The following PPM1H variants were observed in gnomAD, a reference collection of about 807,000 sequenced individuals.
PPM1H encodes the protein protein phosphatase, Mg2+/Mn2+ dependent 1H.
PPM1H carries 27 observed loss-of-function variants against 54.9 expected under a neutral mutation model. The observed-to-expected ratio is 0.49, with a 90% confidence interval of 0.36 to 0.68. PPM1H has a LOEUF of 0.68. Ranked by LOEUF, PPM1H falls within the 30% of genes least tolerant of loss-of-function variation. The pLI is 0.00. For synonymous variants in PPM1H, 305 were observed against 270.8 expected (o/e 1.13, Z -1.24); for missense variants, 596 against 667.8 (o/e 0.89, Z 1.19).
intron 1 of PPM1H, among the ~76,000 whole-genome samples, chr12:62,918,097 G>A (rs1871680146): frequency 6.6e-6 from 1 of 152,156 alleles, no homozygotes; most frequent in Non-Finnish European, 1.5e-5. Flanking sequence ...TGTACAGCTG[G>A]GAAGGGCTAA....
At chr12:62,817,299 A>G (rs1432313209) in intron 2 of PPM1H, among the ~76,000 whole-genome samples, 3 of 151,556 alleles carry the variant, frequency 2.0e-5, no homozygotes, top group African/African-American at 7.2e-5. Context: ...CGTCTCTACT[A>G]AAAATACAAA....
intron 1 of PPM1H, among the ~76,000 whole-genome samples, chr12:62,879,219 G>A (rs1870302915): frequency 6.6e-6 from 1 of 152,140 alleles, no homozygotes; most frequent in Admixed American, 6.5e-5. Context: ...AGGCTGTGGT[G>A]GATCTTCTCT....
At chr12:62,658,687 C>T (rs1385431023) in intron 9 of PPM1H, 3 of 309,238 alleles carry the variant, frequency 9.7e-6, no homozygotes, top group Non-Finnish European at 1.9e-5. Context: ...AGGATGTTAG[C>T]GCAATGCATT....
intron 8 of PPM1H, among the ~76,000 whole-genome samples, chr12:62,688,378 C>A (rs1419683236): frequency 2.6e-5 from 4 of 151,796 alleles, no homozygotes; most frequent in South Asian, 4.2e-4. Context: ...AGCCTTCTTA[C>A]TGGGTGAGAA....
At chr12:62,798,882 C>G (rs1217682704) in intron 3 of PPM1H, among the ~76,000 whole-genome samples, 2 of 152,152 alleles carry the variant, frequency 1.3e-5, no homozygotes, top group East Asian at 3.9e-4. Flanking sequence ...GCCCCCACAC[C>G]CCAGCATCAC....
At chr12:62,901,851 C>T (rs1414233769) in intron 1 of PPM1H, among the ~76,000 whole-genome samples, 1 of 152,046 alleles carries the variant, frequency 6.6e-6, no homozygotes, top group Non-Finnish European at 1.5e-5. Flanking sequence ...GAGGGAAGTG[C>T]AAGGAGGACT....
chr12:62,916,371 A>G (rs1871622741), intron 1 of PPM1H, among the ~76,000 whole-genome samples: 1 of 152,214 alleles, frequency 6.6e-6, no homozygotes, highest in Non-Finnish European at 1.5e-5. Context: ...AACATAACAC[A>G]ATCTAAACAT....
chr12:62,860,731 T>C (rs1160896821), intron 1 of PPM1H, among the ~76,000 whole-genome samples: 1 of 152,202 alleles, frequency 6.6e-6, no homozygotes, highest in Non-Finnish European at 1.5e-5. Context: ...AGATTAAATT[T>C]ACAACATCAC....
chr12:62,841,715 C>T (rs1868756624), intron 1 of PPM1H, among the ~76,000 whole-genome samples: 2 of 152,308 alleles, frequency 1.3e-5, no homozygotes, highest in East Asian at 3.9e-4. Context: ...TTAGTAGTAA[C>T]ATTAGCTGTG....
chr12:62,805,863 C>T (rs2076802750), intron 2 of PPM1H, among the ~76,000 whole-genome samples: 1 of 152,130 alleles, frequency 6.6e-6, no homozygotes, highest in Non-Finnish European at 1.5e-5. Context: ...CACAAACACA[C>T]AAAAACTGGT....
At chr12:62,747,856 C>G (rs11615000) in intron 4 of PPM1H, among the ~76,000 whole-genome samples, 61,248 of 152,096 alleles carry the variant, frequency 0.4, 12,472 homozygotes, top group East Asian at 0.42. Context: ...CAAGTACTCC[C>G]TCTGCTCTAG....
At chr12:62,657,746 A>C (rs1005713626) in intron 9 of PPM1H, among the ~76,000 whole-genome samples, 5 of 152,206 alleles carry the variant, frequency 3.3e-5, no homozygotes, top group African/African-American at 1.2e-4. Flanking sequence ...TGCAAAAATA[A>C]ATTTCATATT....
rs183143259 is a variant in PPM1H, at chr12:62,745,585, A to T, written c.870-7999T>A. The stretch of plus-strand genomic sequence containing the variant: ...TTCTTCTACTAGGTGGCCCAACCAC[A>T]TCTCAGAGGCCATTATTTGGAGCTC... On this transcript the variant is annotated intron_variant, in intron 4 of 9. Coordinates refer to ENST00000228705, the MANE Select transcript of PPM1H (RefSeq NM_020700.2). Among the ~76,000 whole-genome samples, 46 of 152,322 alleles carry T rather than the reference A, an allele frequency of 3.0e-4. No individual in the cohort carries two copies. The South Asian group carries it at 5.4e-3, about 18-fold the overall frequency.
At chr12:62,856,680 T>C (rs2120954204) in intron 1 of PPM1H, among the ~76,000 whole-genome samples, 1 of 152,324 alleles carries the variant, frequency 6.6e-6, no homozygotes, top group Admixed American at 6.5e-5. Context: ...CATAAATATG[T>C]ACAACTATGT....
At chr12:62,648,710 G>T (rs757558009) in intron 9 of PPM1H, 74 bp from the exon 10 acceptor site, 1 of 1,495,022 alleles carries the variant, frequency 6.7e-7, no homozygotes. Context: ...AGGCTGGGAA[G>T]GGGGAGGCAT....
At chr12:62,796,106 T>G (rs545396254) in intron 3 of PPM1H, among the ~76,000 whole-genome samples, 2 of 152,334 alleles carry the variant, frequency 1.3e-5, no homozygotes, top group Admixed American at 6.5e-5. Flanking sequence ...TAAATACTAG[T>G]GACTGAGAAG....
intron 8 of PPM1H, among the ~76,000 whole-genome samples, chr12:62,669,349 T>C (rs1226253599): frequency 6.6e-6 from 1 of 152,188 alleles, no homozygotes; most frequent in Non-Finnish European, 1.5e-5. Flanking sequence ...TTCTCAAATA[T>C]TAATGTGCAC....
At chr12:62,671,481 G>C (rs2075956570) in intron 8 of PPM1H, among the ~76,000 whole-genome samples, 1 of 152,182 alleles carries the variant, frequency 6.6e-6, no homozygotes, top group Non-Finnish European at 1.5e-5. Context: ...CATACTTGCT[G>C]TGTGCCAACT....
chr12:62,746,051 C>T (rs2076408719), intron 4 of PPM1H, among the ~76,000 whole-genome samples: 1 of 152,050 alleles, frequency 6.6e-6, no homozygotes, highest in South Asian at 2.1e-4. Flanking sequence ...AAAAATTAGC[C>T]AGGCGTTGTG....
Sources: gnomAD v4.1 joint callset for allele counts (sites outside exome capture counted in the v4.1 genomes callset) on GRCh38, gnomAD v4.1.1 for gene constraint, MANE v1.5 for transcripts, NCBI Gene and HGNC (gene_info 2026-07-23, HGNC 2026-07-21) for gene names.